ADAMTS19: variants seen among roughly 807,000 people sequenced by gnomAD.
ADAMTS19 encodes the protein ADAM metallopeptidase with thrombospondin type 1 motif 19, also known as A disintegrin and metalloproteinase with thrombospondin motifs 19.
ADAMTS19 carries 93 observed loss-of-function variants against 153.3 expected under a neutral mutation model. The ratio of observed to expected loss-of-function variants is 0.61; its 90% CI spans 0.51 to 0.72. ADAMTS19 has a LOEUF of 0.72. Ranked by LOEUF, ADAMTS19 falls within the 30% of genes least tolerant of loss-of-function variation. The pLI is 0.00. For synonymous variants in ADAMTS19, 600 were observed against 556.6 expected, an observed-to-expected ratio of 1.08 and a Z score of -1.10; for missense variants, 1,482 against 1,552.1, an observed-to-expected ratio of 0.95 and a Z score of 0.76.
chr5:129,470,425 A>C (rs1198369745), intron 2 of ADAMTS19, among the ~76,000 whole-genome samples: 1 of 152,214 alleles, frequency 6.6e-6, no homozygotes, highest in Non-Finnish European at 1.5e-5. Flanking sequence ...CCCTTGAATT[A>C]TGATTTGGAG....
intron 13 of ADAMTS19, among the ~76,000 whole-genome samples, chr5:129,652,648 A>C (rs1430741210): frequency 1.3e-5 from 2 of 152,234 alleles, no homozygotes; most frequent in Non-Finnish European, 2.9e-5. Flanking sequence ...CTGTACAGCT[A>C]AAGTCAGCAG....
chr5:129,616,210 T>C (rs74290701), intron 8 of ADAMTS19, among the ~76,000 whole-genome samples: 3,641 of 152,050 alleles, frequency 0.024, 119 homozygotes, highest in African/African-American at 0.079. Context: ...GAACACACAA[T>C]AGTGAAATTA....
chr5:129,724,800 C>T (rs565176581), intron 21 of ADAMTS19, among the ~76,000 whole-genome samples: 4 of 152,130 alleles, frequency 2.6e-5, no homozygotes, highest in South Asian at 2.1e-4. Flanking sequence ...CCCAGTGTGC[C>T]GTTTGTTTGC....
chr5:129,647,862 C>G lies in ADAMTS19; in HGVS notation c.1970C>G (p.Ala657Gly), dbSNP rs1346609942. ...AGTCCTTGTAGCCGAACCTGCAGTGCTGGGATCAGCAGTCGAGAGCGCAAA... is the reference window on the plus strand; with the variant it reads ...AGTCCTTGTAGCCGAACCTGCAGTGGTGGGATCAGCAGTCGAGAGCGCAAA... ...LWSPCSRTCS[A>G]GISSRERKCP... The change falls in exon 12 of 23, where the codon GCT (alanine) becomes GGT (glycine). Residue 657 changes from alanine (A) to glycine (G), a missense_variant. By Grantham distance (60) the Ala-to-Gly change is moderately conservative. Coordinates refer to ENST00000274487, the MANE Select transcript of ADAMTS19 (RefSeq NM_133638.6). 6.2e-7 allele frequency: 1 copy of G among 1,613,988 alleles called. No individual in the cohort carries two copies. Among genetic ancestry groups the G allele is most frequent in the South Asian group, 1.1e-5 (1 of 91,078 alleles).
chr5:129,631,787 ATC>A (rs1449387295), intron 10 of ADAMTS19, among the ~76,000 whole-genome samples: 1 of 152,018 alleles, frequency 6.6e-6, no homozygotes, highest in East Asian at 1.9e-4. Flanking sequence ...CTTGATATTC[ATC>A]TGTTATAAAA....
chr5:129,509,173 A>G lies in ADAMTS19; in HGVS notation c.844A>G (p.Lys282Glu). 1 of 1,612,258 alleles carries G rather than the reference A, an allele frequency of 6.2e-7. No homozygotes were observed. Among genetic ancestry groups the G allele is most frequent in the Non-Finnish European group, 8.5e-7 (1 of 1,178,732 alleles). The change falls in exon 3 of 23, where the codon AAA (lysine) becomes GAA (glutamate). Residue 282 changes from lysine (K) to glutamate (E), a missense_variant. Physicochemically the swap from Lys to Glu is moderately conservative, Grantham distance 56. This residue lies in a region of ADAMTS19 where 866 missense variants were observed against 827.7 expected (regional missense o/e 1.05). Coordinates refer to ENST00000274487, the MANE Select transcript of ADAMTS19 (RefSeq NM_133638.6). ...TCACCCACACCGTGTATATAGGCAG[A>G]AAAGGTCCATGGAGGAAAAGGTCAC... ...TGHPHRVYRQ[K>E]RSMEEKVTEK...
intron 10 of ADAMTS19, among the ~76,000 whole-genome samples, chr5:129,636,517 GAA>G (rs750559445): frequency 6.6e-6 from 1 of 152,064 alleles, no homozygotes; most frequent in African/African-American, 2.4e-5. Flanking sequence ...ATGTAACCAT[GAA>G]AGAGTCCCTT....
rs78833329 is a variant in ADAMTS19 at position 129,464,682 on chromosome 5, T to A, written c.747+2925T>A. 4.5e-3 allele frequency among the ~76,000 whole-genome samples: 691 copies of A among 152,316 alleles called. 10 individuals carry two copies. Among genetic ancestry groups the A allele is most frequent in the African/African-American group, 0.016 (669 of 41,584 alleles). Reference sequence around the variant, plus strand: ...TGTTATCAAAGGATAAGTGCCAGAATGGAGATTTTGGATACAGGGGCAAAG... The same window carrying A: ...TGTTATCAAAGGATAAGTGCCAGAAAGGAGATTTTGGATACAGGGGCAAAG... On this transcript the variant is annotated intron_variant, in intron 2 of 22. Coordinates refer to ENST00000274487, the MANE Select transcript of ADAMTS19 (RefSeq NM_133638.6).
intron 7 of ADAMTS19, among the ~76,000 whole-genome samples, chr5:129,582,196 G>A (rs568450409): frequency 1.3e-5 from 2 of 149,064 alleles, no homozygotes; most frequent in African/African-American, 2.5e-5. Context: ...CCAGTGGGAT[G>A]TTAAAGTCTC....
At chr5:129,563,703 T>C (rs971067817) in intron 7 of ADAMTS19, among the ~76,000 whole-genome samples, 2 of 152,212 alleles carry the variant, frequency 1.3e-5, no homozygotes, top group African/African-American at 4.8e-5. Context: ...GTGAGAGATA[T>C]GCTGTTATAA....
chr5:129,530,173 T>C (rs962047941), intron 6 of ADAMTS19, among the ~76,000 whole-genome samples: 1 of 152,056 alleles, frequency 6.6e-6, no homozygotes, highest in Non-Finnish European at 1.5e-5. Flanking sequence ...CAGAGTATAA[T>C]AAAAATTAGT....
At chr5:129,533,774 CAG>C (rs948693473) in intron 6 of ADAMTS19, among the ~76,000 whole-genome samples, 1 of 152,062 alleles carries the variant, frequency 6.6e-6, no homozygotes, top group Admixed American at 6.6e-5. Context: ...GAATGTGTAA[CAG>C]AGATTCTGGT....
intron 16 of ADAMTS19, among the ~76,000 whole-genome samples, chr5:129,675,057 C>G (rs563705614): frequency 6.6e-6 from 1 of 152,232 alleles, no homozygotes; most frequent in Admixed American, 6.5e-5. Context: ...TTTTCTTTCT[C>G]TGAATGTGAT....
intron 15 of ADAMTS19, among the ~76,000 whole-genome samples, chr5:129,665,040 T>A (rs1753980007): frequency 6.6e-6 from 1 of 152,152 alleles, no homozygotes; most frequent in Non-Finnish European, 1.5e-5. Context: ...GTCTCTAGTG[T>A]CCTATACTTC....
intron 16 of ADAMTS19, among the ~76,000 whole-genome samples, chr5:129,677,811 T>C (rs1022888502): frequency 6.6e-5 from 10 of 152,008 alleles, no homozygotes; most frequent in African/African-American, 1.2e-4. Flanking sequence ...TTTAAAGCTT[T>C]ACTTTCCCCC....
chr5:129,589,364 T>C (rs1421634074), intron 7 of ADAMTS19, among the ~76,000 whole-genome samples: 2 of 151,904 alleles, frequency 1.3e-5, no homozygotes, highest in Non-Finnish European at 2.9e-5. Context: ...CTTATTGTAA[T>C]AGATAAATTT....
chr5:129,666,106 A>C (rs2127084228), intron 16 of ADAMTS19, among the ~76,000 whole-genome samples: 2 of 151,778 alleles, frequency 1.3e-5, no homozygotes, highest in East Asian at 3.9e-4. Flanking sequence ...ATTTTAGGAA[A>C]TCTCACCTAT....
intron 6 of ADAMTS19, among the ~76,000 whole-genome samples, chr5:129,529,618 C>T (rs917688729): frequency 6.6e-6 from 1 of 152,170 alleles, no homozygotes; most frequent in African/African-American, 2.4e-5. Flanking sequence ...ATTATGCAAA[C>T]ATCGCAGTCA....
chr5:129,485,198 G>C (rs1750549350), intron 2 of ADAMTS19, among the ~76,000 whole-genome samples: 1 of 152,072 alleles, frequency 6.6e-6, no homozygotes, highest in Non-Finnish European at 1.5e-5. Flanking sequence ...ATCACAAAAA[G>C]ATCCTTAAAT....
Sources: allele counts gnomAD v4.1 joint callset (sites outside exome capture counted in the v4.1 genomes callset), GRCh38; gene constraint gnomAD v4.1.1; regional missense constraint gnomAD v4.1.1; transcripts MANE v1.5; gene names NCBI Gene and HGNC (gene_info 2026-07-23, HGNC 2026-07-21).